Variants in CIMIP2C observed in about 807,000 individuals in gnomAD.
CIMIP2C encodes UPF0573 protein C2orf70.
the CIMIP2C span, among the ~76,000 whole-genome samples, chr2:26,576,851 T>C: frequency 0.62 from 94,841 of 152,180 alleles, 30,135 homozygotes; most frequent in Middle Eastern, 0.77. Flanking sequence ...CACAGGTGCA[T>C]GGGCCTGAGC....
chr2:26,563,401 G>A, the CIMIP2C span, among the ~76,000 whole-genome samples: 1 of 152,192 alleles, frequency 6.6e-6, no homozygotes, highest in Admixed American at 6.5e-5. Flanking sequence ...ATGCAAGTCT[G>A]GCTGTTGCCT....
At chr2:26,576,720 G>A in the CIMIP2C span, among the ~76,000 whole-genome samples, 15 of 152,290 alleles carry the variant, frequency 9.8e-5, no homozygotes, top group African/African-American at 2.2e-4. Context: ...CAGCCTGGGC[G>A]AGACTGCCCT....
the CIMIP2C span, chr2:26,562,695 G>T: frequency 6.4e-7 from 1 of 1,562,012 alleles, no homozygotes; most frequent in Non-Finnish European, 8.7e-7. Context: ...GGGTAAGGCC[G>T]AGGGAGCGCC....
At chr2:26,576,719 C>T in the CIMIP2C span, among the ~76,000 whole-genome samples, 19 of 152,294 alleles carry the variant, frequency 1.2e-4, no homozygotes, top group Admixed American at 7.8e-4. Context: ...CCAGCCTGGG[C>T]GAGACTGCCC....
chr2:26,578,524 C>A, the CIMIP2C span: 1,124 of 255,636 alleles, frequency 4.4e-3, 14 homozygotes, highest in African/African-American at 0.024. Flanking sequence ...TCATTGATCG[C>A]CTGGGGAACT....
the CIMIP2C span, among the ~76,000 whole-genome samples, chr2:26,570,999 AG>A: frequency 6.6e-6 from 1 of 151,950 alleles, no homozygotes; most frequent in Non-Finnish European, 1.5e-5. Flanking sequence ...GCTTAGGTGG[AG>A]GTTGGAGGGG....
chr2:26,565,774 A>T, the CIMIP2C span, among the ~76,000 whole-genome samples: 2 of 152,342 alleles, frequency 1.3e-5, no homozygotes, highest in African/African-American at 2.4e-5. Context: ...GTTAGCTGTT[A>T]TCATTAGTTA....
the CIMIP2C span, among the ~76,000 whole-genome samples, chr2:26,577,275 T>C: frequency 6.6e-6 from 1 of 152,196 alleles, no homozygotes; most frequent in Non-Finnish European, 1.5e-5. Flanking sequence ...TTACTCTCCA[T>C]AGCAAAGCTG....
chr2:26,564,796 A>T, the CIMIP2C span, among the ~76,000 whole-genome samples: 1 of 152,180 alleles, frequency 6.6e-6, no homozygotes, highest in South Asian at 2.1e-4. Flanking sequence ...CATAGAGGCG[A>T]GAATATTCAT....
chr2:26,579,139 C>A, the CIMIP2C span: 1 of 766,972 alleles, frequency 1.3e-6, no homozygotes, highest in Non-Finnish European at 2.1e-6. Flanking sequence ...AGGTTATTCC[C>A]ACCCCAAGTC....
At chr2:26,569,104 G>A in the CIMIP2C span, among the ~76,000 whole-genome samples, 7 of 152,178 alleles carry the variant, frequency 4.6e-5, no homozygotes, top group African/African-American at 1.2e-4. Flanking sequence ...TCCATGGAGC[G>A]GGCAGGCAGG....
chr2:26,562,889 T>C, the CIMIP2C span: 2 of 568,866 alleles, frequency 3.5e-6, no homozygotes, highest in Non-Finnish European at 3.1e-6. Context: ...CCTCCCCAGA[T>C]TCCCCTTCAC....
chr2:26,575,790 C>T, the CIMIP2C span: 1 of 1,336,446 alleles, frequency 7.5e-7, no homozygotes, highest in Non-Finnish European at 1.0e-6. Flanking sequence ...TTCCAACATG[C>T]TGGGATTACA....
At chr2:26,574,662 A>G in the CIMIP2C span, among the ~76,000 whole-genome samples, 2 of 152,304 alleles carry the variant, frequency 1.3e-5, no homozygotes, top group African/African-American at 4.8e-5. Context: ...CAGACCCCGG[A>G]GGTTCACCAG....
the CIMIP2C span, among the ~76,000 whole-genome samples, chr2:26,571,739 C>T: frequency 0.18 from 27,341 of 151,984 alleles, 2,476 homozygotes; most frequent in Middle Eastern, 0.2. Flanking sequence ...TATATTCAGA[C>T]GAGATCGGGC....
At chr2:26,565,702 C>T in the CIMIP2C span, among the ~76,000 whole-genome samples, 3 of 152,328 alleles carry the variant, frequency 2.0e-5, no homozygotes, top group African/African-American at 4.8e-5. Flanking sequence ...GGGATGATCA[C>T]GGTGTGCAGG....
the CIMIP2C span, among the ~76,000 whole-genome samples, chr2:26,575,167 C>T: frequency 1.3e-5 from 2 of 152,228 alleles, no homozygotes; most frequent in East Asian, 1.9e-4. Context: ...GGGTGGAAGA[C>T]TCCTTGTAGG....
At chr2:26,578,275 G>C in the CIMIP2C span, 1 of 163,260 alleles carries the variant, frequency 6.1e-6, no homozygotes, top group Non-Finnish European at 1.3e-5. Flanking sequence ...GTCCTGGAGT[G>C]GGGTAGGGTG....
chr2:26,576,753 G>A, the CIMIP2C span, among the ~76,000 whole-genome samples: 1 of 152,190 alleles, frequency 6.6e-6, no homozygotes, highest in African/African-American at 2.4e-5. Context: ...CTCGAGGAAG[G>A]GGACCCACCC....
Sources: gnomAD v4.1 joint callset for allele counts (sites outside exome capture counted in the v4.1 genomes callset) on GRCh38, gnomAD v4.1.1 for gene constraint, MANE v1.5 for transcripts, NCBI Gene and HGNC (gene_info 2026-07-23, HGNC 2026-07-21) for gene names.